The following NUF2 variants were observed in gnomAD, a reference collection of about 807,000 sequenced individuals.
The protein encoded by NUF2 is NUF2 component of NDC80 kinetochore complex, also known as kinetochore protein Nuf2.
Under a neutral mutation model 61.8 loss-of-function variants are expected in NUF2, and 34 were observed. The observed-to-expected ratio is 0.55, with a 90% CI of 0.42 to 0.73. The LOEUF (loss-of-function observed/expected upper bound fraction) is 0.73, where lower values mean the gene tolerates loss of function less well. NUF2 is among the 30% of genes least tolerant of loss of function. The probability of loss-of-function intolerance (pLI) is 0.00; values close to 1 mark genes in which losing one functional copy is unlikely to be tolerated. For synonymous variants in NUF2, 172 were observed against 181.6 expected (o/e 0.95, Z 0.42); for missense variants, 445 against 539.1 (o/e 0.83, Z 1.73).
intron 11 of NUF2, chr1:163,346,202 A>G (rs1271818724): frequency 2.6e-5 from 4 of 152,164 alleles, no homozygotes; most frequent in Non-Finnish European, 5.9e-5. Flanking sequence ...CCTATGATAA[A>G]GTTTAATTTA....
intron 7 of NUF2, 174 bp from the exon 8 acceptor site, chr1:163,339,207 T>G: frequency 1.8e-6 from 1 of 541,086 alleles, no homozygotes; most frequent in Non-Finnish European, 3.3e-6. Context: ...GATTTTTATT[T>G]TCTGCCTGTA....
intron 9 of NUF2, among the ~76,000 whole-genome samples, chr1:163,341,987 G>A (rs552879745): frequency 6.6e-6 from 1 of 152,166 alleles, no homozygotes; most frequent in Non-Finnish European, 1.5e-5. Flanking sequence ...CCATTTATTT[G>A]TCTGTCAAAT....
At chr1:163,330,419 C>T (rs1243579035) in intron 5 of NUF2, among the ~76,000 whole-genome samples, 1 of 152,148 alleles carries the variant, frequency 6.6e-6, no homozygotes, top group Non-Finnish European at 1.5e-5. Context: ...CTATTCTACT[C>T]CATTGATCTG....
At chr1:163,352,216 T>C (rs1651343671) in intron 13 of NUF2, among the ~76,000 whole-genome samples, 1 of 152,224 alleles carries the variant, frequency 6.6e-6, no homozygotes, top group South Asian at 2.1e-4. Context: ...GGTGGTACTC[T>C]TCATACATGT....
At chr1:163,325,669 C>G (rs747808702) in intron 1 of NUF2, among the ~76,000 whole-genome samples, 1 of 152,046 alleles carries the variant, frequency 6.6e-6, no homozygotes, top group Admixed American at 6.5e-5. Flanking sequence ...ATATGCCTTG[C>G]TTTGAGAATT....
intron 5 of NUF2, among the ~76,000 whole-genome samples, chr1:163,332,411 G>T (rs1650625966): frequency 6.6e-6 from 1 of 151,972 alleles, no homozygotes; most frequent in Non-Finnish European, 1.5e-5. Flanking sequence ...GTCTATATTT[G>T]TTCACTATGG....
intron 1 of NUF2, among the ~76,000 whole-genome samples, chr1:163,325,134 C>T (rs948820249): frequency 6.6e-6 from 1 of 152,018 alleles, no homozygotes; most frequent in Non-Finnish European, 1.5e-5. Flanking sequence ...TGGGCTCAAG[C>T]GATCCACATG....
chr1:163,337,509 C>T (rs73028120), intron 6 of NUF2, among the ~76,000 whole-genome samples: 3,309 of 152,146 alleles, frequency 0.022, 102 homozygotes, highest in African/African-American at 0.068. Context: ...ATCATGCTAA[C>T]CTTATAACTC....
intron 2 of NUF2, 47 bp from the exon 3 acceptor site, chr1:163,327,441 G>A (rs766681483): frequency 2.0e-6 from 2 of 978,274 alleles, no homozygotes; most frequent in South Asian, 2.6e-5. Context: ...TAGTGACATA[G>A]CTTTAGAGTT....
Position 163,347,771 on chromosome 1 carries a change from C to T in NUF2, c.957C>T (p.Asn319=), listed in dbSNP as rs1212777025. 1.3e-6 allele frequency: 2 copies of T among 1,563,422 alleles called. No homozygotes were observed. Among genetic ancestry groups the T allele is most frequent in the Non-Finnish European group, 8.6e-7 (1 of 1,158,118 alleles). ...KLASILKESL[N]LEDQIESDES... ...CTTCTTATAAAATACAGAGCCTGAA[C>T]TTGGAGGACCAAATTGAGAGTGATG... is the stretch of plus-strand genomic sequence containing the variant. Residue 319 remains asparagine, a synonymous_variant, in exon 12 of 14, where the codon AAC becomes AAT. Transcript: ENST00000271452.
intron 11 of NUF2, 174 bp downstream of exon 11, chr1:163,345,992 A>C: frequency 2.2e-6 from 1 of 452,792 alleles, no homozygotes; most frequent in Non-Finnish European, 3.8e-6. Flanking sequence ...TAAACATAGC[A>C]GTAGCAAGAC....
chr1:163,348,541 G>GCTTAA (rs1223128327), intron 12 of NUF2, among the ~76,000 whole-genome samples: 2 of 152,064 alleles, frequency 1.3e-5, no homozygotes, highest in Non-Finnish European at 2.9e-5. Flanking sequence ...GATGAAAAAG[G>GCTTAA]GCAGAACTTA....
intron 3 of NUF2, chr1:163,327,813 G>A: frequency 6.7e-6 from 3 of 448,088 alleles, no homozygotes; most frequent in Non-Finnish European, 1.2e-5. Flanking sequence ...GATCATTGAT[G>A]CAATGCAATT....
chr1:163,343,960 G>T, intron 10 of NUF2, 90 bp downstream of exon 10: 1 of 771,096 alleles, frequency 1.3e-6, no homozygotes, highest in Non-Finnish European at 1.9e-6. Context: ...TTGGATTTCT[G>T]AATTATCTAT....
chr1:163,347,981 T>C, intron 12 of NUF2, 43 bp downstream of exon 12: 1 of 1,337,966 alleles, frequency 7.5e-7, no homozygotes, highest in Non-Finnish European at 9.9e-7. Flanking sequence ...AAAGCAATTA[T>C]GAAAAACAAA....
chr1:163,333,318 G>A (rs1012097113), intron 5 of NUF2, among the ~76,000 whole-genome samples: 7 of 151,998 alleles, frequency 4.6e-5, no homozygotes, highest in Non-Finnish European at 1.0e-4. Flanking sequence ...CGGGTTTCTT[G>A]TAGACAGCAT....
intron 5 of NUF2, among the ~76,000 whole-genome samples, chr1:163,335,099 G>A (rs1268827152): frequency 6.6e-6 from 1 of 152,012 alleles, no homozygotes; most frequent in Non-Finnish European, 1.5e-5. Context: ...GACTACAGGT[G>A]CATGTAACCA....
At chr1:163,340,485 T>G in intron 9 of NUF2, 59 bp downstream of exon 9, 1 of 1,254,442 alleles carries the variant, frequency 8.0e-7, no homozygotes, top group South Asian at 1.3e-5. Flanking sequence ...TGGAGGAGTA[T>G]TTTAGCTGTG....
At chr1:163,349,129 T>C (rs1294129811) in intron 13 of NUF2, 49 bp downstream of exon 13, 2 of 1,534,702 alleles carry the variant, frequency 1.3e-6, no homozygotes, top group Non-Finnish European at 1.8e-6. Flanking sequence ...TCTCATGTAT[T>C]TGAGTTGTTA....
Sources: gnomAD v4.1 joint callset for allele counts (sites outside exome capture counted in the v4.1 genomes callset) on GRCh38, gnomAD v4.1.1 for gene constraint, MANE v1.5 for transcripts, NCBI Gene and HGNC (gene_info 2026-07-23, HGNC 2026-07-21) for gene names.